Variants in FBXL17 observed in about 807,000 individuals in gnomAD.
FBXL17 encodes F-box/LRR-repeat protein 17.
FBXL17 carries 22 observed loss-of-function variants against 66.2 expected under a neutral mutation model. The ratio of observed to expected loss-of-function variants is 0.33; its 90% CI spans 0.24 to 0.47. The LOEUF (loss-of-function observed/expected upper bound fraction) is 0.47. Ranked by LOEUF, FBXL17 falls within the 20% of genes least tolerant of loss-of-function variation. The probability of loss-of-function intolerance (pLI) is 1.00; values close to 1 mark genes in which losing one functional copy is unlikely to be tolerated. For missense variants in FBXL17, 878 were observed against 948.2 expected, an observed-to-expected ratio of 0.93 and a Z score of 0.97; for synonymous variants, 474 against 400.5, an observed-to-expected ratio of 1.18 and a Z score of -2.19.
chr5:108,378,989 A>G (rs1749644874), intron 1 of FBXL17, among the ~76,000 whole-genome samples: 1 of 152,260 alleles, frequency 6.6e-6, no homozygotes, highest in African/African-American at 2.4e-5. Flanking sequence ...GGAAATCTAC[A>G]TAACATGTCC....
At chr5:108,252,826 T>TGC (rs776716776) in intron 4 of FBXL17, among the ~76,000 whole-genome samples, 1 of 152,214 alleles carries the variant, frequency 6.6e-6, no homozygotes, top group Non-Finnish European at 1.5e-5. Context: ...TAAAAGGTAC[T>TGC]GCTGCCATTC....
In FBXL17 at chr5:107,980,664, A is replaced by ATATATATATTTTTTTTTT; in HGVS notation, c.1822+40260_1822+40261insAAAAAAAAAATATATATA. The stretch of plus-strand genomic sequence containing the variant: ...TAAAATAATATATATATATATATAT[A>ATATATATATTTTTTTTTT]TTTTTTTTTTGAGATGGAGTCTTGC... On this transcript the variant is annotated intron_variant, in intron 7 of 8. Transcript: ENST00000542267. 5.3e-4 allele frequency among the ~76,000 whole-genome samples: 33 copies of ATATATATATTTTTTTTTT among 62,074 alleles called. 1 individual carries two copies. Among genetic ancestry groups the ATATATATATTTTTTTTTT allele is most frequent in the African/African-American group, 2.7e-3 (26 of 9,748 alleles). 40.7% of individuals were successfully genotyped at this position (62,074 alleles called of 152,430 possible).
intron 4 of FBXL17, among the ~76,000 whole-genome samples, chr5:108,239,012 T>G (rs1755732350): frequency 6.6e-6 from 1 of 152,054 alleles, no homozygotes; most frequent in Admixed American, 6.5e-5. Context: ...CTTTTAGAAA[T>G]CATGAGAAAA....
At chr5:108,006,385 C>T (rs756558682) in intron 7 of FBXL17, among the ~76,000 whole-genome samples, 10 of 152,126 alleles carry the variant, frequency 6.6e-5, no homozygotes, top group Admixed American at 5.2e-4. Flanking sequence ...TAGAGTTGAC[C>T]GGGCTTGCAA....
chr5:107,975,391 G>T (rs953826004), intron 7 of FBXL17, among the ~76,000 whole-genome samples: 7 of 152,086 alleles, frequency 4.6e-5, no homozygotes, highest in African/African-American at 1.7e-4. Flanking sequence ...TTAAGTCCAA[G>T]GGCAAGTAAA....
chr5:108,297,089 T>A (rs1275115140), intron 4 of FBXL17, among the ~76,000 whole-genome samples: 1 of 151,572 alleles, frequency 6.6e-6, no homozygotes, highest in African/African-American at 2.4e-5. Context: ...TTCAATTGGA[T>A]AATCTCCACT....
At chr5:107,966,963 T>G (rs1350087457) in intron 7 of FBXL17, among the ~76,000 whole-genome samples, 1 of 152,124 alleles carries the variant, frequency 6.6e-6, no homozygotes, top group Non-Finnish European at 1.5e-5. Context: ...TCTGTCATCA[T>G]AAAACCAAAG....
intron 7 of FBXL17, among the ~76,000 whole-genome samples, chr5:107,890,276 C>T (rs1749153505): frequency 6.6e-6 from 1 of 151,932 alleles, no homozygotes; most frequent in Non-Finnish European, 1.5e-5. Context: ...CTCTGTCATA[C>T]ATCTGCCTTG....
At chr5:108,309,210 G>A (rs1296868636) in intron 4 of FBXL17, among the ~76,000 whole-genome samples, 8 of 152,020 alleles carry the variant, frequency 5.3e-5, no homozygotes, top group African/African-American at 9.7e-5. Context: ...TAATGAGTAA[G>A]AGATAGTGTA....
chr5:107,875,842 T>C (rs983990575), intron 8 of FBXL17, among the ~76,000 whole-genome samples: 12 of 152,148 alleles, frequency 7.9e-5, no homozygotes, highest in African/African-American at 2.4e-4. Context: ...TGTGGATCAA[T>C]AGCAGTCGGC....
intron 6 of FBXL17, among the ~76,000 whole-genome samples, chr5:108,141,171 G>C (rs774373895): frequency 1.2e-4 from 18 of 152,028 alleles, no homozygotes; most frequent in Admixed American, 6.5e-5. Context: ...CTACAGCCTG[G>C]TTTTGTCTGC....
chr5:108,373,030 T>G (rs947159145), intron 1 of FBXL17, among the ~76,000 whole-genome samples: 20 of 151,804 alleles, frequency 1.3e-4, no homozygotes, highest in Non-Finnish European at 2.2e-4. Context: ...GAGCAAAGTT[T>G]TTATATACCA....
At chr5:108,325,270 G>A (rs528897585) in intron 4 of FBXL17, among the ~76,000 whole-genome samples, 38 of 152,070 alleles carry the variant, frequency 2.5e-4, no homozygotes, top group Non-Finnish European at 3.7e-4. Context: ...GCCACGTACC[G>A]CCATCAAATT....
intron 4 of FBXL17, among the ~76,000 whole-genome samples, chr5:108,312,044 A>C (rs1165529863): frequency 2.6e-5 from 4 of 152,138 alleles, no homozygotes; most frequent in Admixed American, 6.6e-5. Context: ...AGAAGACAGA[A>C]ATGTGTCTTT....
chr5:108,275,380 A>T (rs1399474708), intron 4 of FBXL17, among the ~76,000 whole-genome samples: 3 of 152,184 alleles, frequency 2.0e-5, no homozygotes, highest in South Asian at 2.1e-4. Flanking sequence ...AAAGCAATTT[A>T]AAAAAATGCC....
chr5:108,378,271 T>C (rs1749585170), intron 1 of FBXL17, among the ~76,000 whole-genome samples: 1 of 152,178 alleles, frequency 6.6e-6, no homozygotes, highest in Admixed American at 6.5e-5. Context: ...AAAACATCCT[T>C]TAAATTCTTA....
At chr5:108,038,111 TGTTA>T (rs1350097595) in intron 6 of FBXL17, among the ~76,000 whole-genome samples, 3 of 152,146 alleles carry the variant, frequency 2.0e-5, no homozygotes, top group African/African-American at 7.2e-5. Context: ...GGGAACGGGA[TGTTA>T]GTTATTTAAA....
intron 7 of FBXL17, among the ~76,000 whole-genome samples, chr5:107,935,685 T>C (rs1212822080): frequency 1.3e-5 from 2 of 152,060 alleles, no homozygotes; most frequent in African/African-American, 4.8e-5. Flanking sequence ...AGCACGTAAG[T>C]TGGTATAAAG....
chr5:108,276,457 C>T (rs1757485767), intron 4 of FBXL17, among the ~76,000 whole-genome samples: 1 of 152,118 alleles, frequency 6.6e-6, no homozygotes. Flanking sequence ...CTTATTCAGT[C>T]CTTTTAGCAA....
Sources: allele counts gnomAD v4.1 joint callset (sites outside exome capture counted in the v4.1 genomes callset), GRCh38; gene constraint gnomAD v4.1.1; transcripts MANE v1.5; gene names NCBI Gene and HGNC (gene_info 2026-07-23, HGNC 2026-07-21).